The following BAALC variants were observed in gnomAD, a reference collection of about 807,000 sequenced individuals.
BAALC encodes brain and acute leukemia cytoplasmic protein.
BAALC carries 9 observed loss-of-function variants against 15.5 expected under a neutral mutation model. That is an observed-to-expected ratio of 0.58 (90% confidence interval 0.35 to 1.02). The LOEUF (loss-of-function observed/expected upper bound fraction) is 1.02, where lower values mean the gene tolerates loss of function less well. Among genes scored for constraint, BAALC ranks in the 50% least tolerant of loss-of-function variants. The pLI is 0.02. For missense variants in BAALC, 201 were observed against 192.4 expected (o/e 1.04, Z -0.27); for synonymous variants, 80 against 74.6 (o/e 1.07, Z -0.37).
intron 1 of BAALC, among the ~76,000 whole-genome samples, chr8:103,157,704 A>C (rs972343951): frequency 6.6e-6 from 1 of 152,184 alleles, no homozygotes; most frequent in Non-Finnish European, 1.5e-5. Context: ...AGTCCCAGCT[A>C]TTCTGGAGGC....
chr8:103,217,879 T>A (rs1348707127), intron 2 of BAALC, among the ~76,000 whole-genome samples: 1 of 152,182 alleles, frequency 6.6e-6, no homozygotes, highest in Non-Finnish European at 1.5e-5. Flanking sequence ...GTGCCAAGGA[T>A]CCAGGGGTAG....
At chr8:103,209,086 T>C (rs1295347749) in intron 1 of BAALC, among the ~76,000 whole-genome samples, 2 of 152,136 alleles carry the variant, frequency 1.3e-5, no homozygotes, top group Non-Finnish European at 2.9e-5. Flanking sequence ...TGGCAACATC[T>C]GGAGGCTGGG....
chr8:103,144,193 G>A (rs973646635), intron 1 of BAALC, among the ~76,000 whole-genome samples: 3 of 152,210 alleles, frequency 2.0e-5, no homozygotes, highest in Non-Finnish European at 2.9e-5. Flanking sequence ...AATGAATTCT[G>A]AATTTCACTG....
intron 2 of BAALC, among the ~76,000 whole-genome samples, chr8:103,223,078 T>C (rs1812716523): frequency 6.6e-6 from 1 of 152,106 alleles, no homozygotes; most frequent in East Asian, 1.9e-4. Context: ...TTTGGGAGGC[T>C]GATGCGGGTG....
chr8:103,174,461 T>C (rs181288059), intron 1 of BAALC, among the ~76,000 whole-genome samples: 43 of 152,342 alleles, frequency 2.8e-4, no homozygotes, highest in African/African-American at 9.6e-4. Context: ...CTTCCAGCCA[T>C]GACCTTGGGA....
intron 1 of BAALC, among the ~76,000 whole-genome samples, chr8:103,143,820 C>T (rs759724721): frequency 6.6e-6 from 1 of 152,228 alleles, no homozygotes; most frequent in East Asian, 1.9e-4. Flanking sequence ...CTGTCTGAAC[C>T]TGTCCTCCGT....
chr8:103,155,128 G>A (rs183501451), intron 1 of BAALC, among the ~76,000 whole-genome samples: 1 of 151,950 alleles, frequency 6.6e-6, no homozygotes, highest in East Asian at 1.9e-4. Flanking sequence ...CTAATAAACT[G>A]GGACTCTTTA....
At chr8:103,150,093 T>C (rs532341391) in intron 1 of BAALC, among the ~76,000 whole-genome samples, 261 of 152,214 alleles carry the variant, frequency 1.7e-3, no homozygotes, top group Non-Finnish European at 2.7e-3. Context: ...GAAAGGCACA[T>C]CTCACATGGC....
intron 2 of BAALC, among the ~76,000 whole-genome samples, chr8:103,215,974 C>T (rs1175929035): frequency 6.6e-6 from 1 of 152,172 alleles, no homozygotes; most frequent in African/African-American, 2.4e-5. Flanking sequence ...TCTTCTCACT[C>T]CTAGTATTAT....
chr8:103,202,667 A>AT (rs1812244452), intron 1 of BAALC: 1 of 152,242 alleles, frequency 6.6e-6, no homozygotes, highest in South Asian at 2.1e-4. Context: ...AATATAGAGT[A>AT]TTGTTACAAT....
chr8:103,206,050 A>G (rs1812320088), intron 1 of BAALC, among the ~76,000 whole-genome samples: 11 of 152,194 alleles, frequency 7.2e-5, no homozygotes, highest in Admixed American at 5.9e-4. Flanking sequence ...TCTCAGAAAA[A>G]TAATAAGTTT....
intron 1 of BAALC, among the ~76,000 whole-genome samples, chr8:103,201,781 C>T (rs1486755279): frequency 6.6e-6 from 1 of 152,152 alleles, no homozygotes; most frequent in African/African-American, 2.4e-5. Context: ...AACCCAGCAC[C>T]CAGCATAGAG....
At chr8:103,188,453 G>A (rs892616416) in intron 1 of BAALC, among the ~76,000 whole-genome samples, 6 of 152,186 alleles carry the variant, frequency 3.9e-5, no homozygotes, top group Non-Finnish European at 8.8e-5. Context: ...AGGGACAGGC[G>A]GCTGCACATG....
At chr8:103,202,124 T>C (rs1469736074) in intron 1 of BAALC, among the ~76,000 whole-genome samples, 6 of 152,220 alleles carry the variant, frequency 3.9e-5, no homozygotes, top group Admixed American at 3.9e-4. Context: ...ACCTATTTCT[T>C]ATGTGAGATC....
At chr8:103,200,540 C>A in intron 1 of BAALC, 1 of 446,862 alleles carries the variant, frequency 2.2e-6, no homozygotes, top group Non-Finnish European at 4.0e-6. Context: ...GCTAACCACC[C>A]CCAAAAATAA....
intron 2 of BAALC, 125 bp downstream of exon 2, chr8:103,213,210 GTC>G: frequency 9.3e-7 from 1 of 1,077,146 alleles, no homozygotes; most frequent in South Asian, 2.2e-5. Context: ...GAAAAAAAAA[GTC>G]TCTGCCCCAC....
intron 1 of BAALC, among the ~76,000 whole-genome samples, chr8:103,155,200 A>C (rs938172432): frequency 1.3e-5 from 2 of 152,192 alleles, no homozygotes; most frequent in Non-Finnish European, 2.9e-5. Context: ...AGATTGGACC[A>C]TTTTGTTATT....
intron 1 of BAALC, among the ~76,000 whole-genome samples, chr8:103,158,288 C>T (rs1334544284): frequency 6.6e-6 from 1 of 152,110 alleles, no homozygotes; most frequent in Non-Finnish European, 1.5e-5. Context: ...TTCAGGAAAG[C>T]TATTGCGCAA....
chr8:103,152,620 T>A (rs1442985065), intron 1 of BAALC, among the ~76,000 whole-genome samples: 1 of 152,114 alleles, frequency 6.6e-6, no homozygotes, highest in Non-Finnish European at 1.5e-5. Context: ...CAGCACAGAG[T>A]AGGCACTCGG....
Sources: gnomAD v4.1 joint callset for allele counts (sites outside exome capture counted in the v4.1 genomes callset) on GRCh38, gnomAD v4.1.1 for gene constraint, MANE v1.5 for transcripts, NCBI Gene and HGNC (gene_info 2026-07-23, HGNC 2026-07-21) for gene names.